Variants in SIPA1L1 observed in about 807,000 individuals in gnomAD.
The protein encoded by SIPA1L1 is signal-induced proliferation-associated 1-like protein 1.
SIPA1L1 carries 26 observed loss-of-function variants against 162.7 expected under a neutral mutation model. The observed-to-expected ratio is 0.16, with a 90% CI of 0.12 to 0.22. The LOEUF (loss-of-function observed/expected upper bound fraction) is 0.22. Ranked by LOEUF, SIPA1L1 falls within the 10% of genes least tolerant of loss-of-function variation. SIPA1L1 has a pLI of 1.00. For synonymous variants in SIPA1L1, 829 were observed against 837.4 expected, an observed-to-expected ratio of 0.99 and a Z score of 0.17; for missense variants, 1,874 against 2,241.0, an observed-to-expected ratio of 0.84 and a Z score of 3.31.
At chr14:71,632,349 C>T (rs2040662822) in intron 7 of SIPA1L1, among the ~76,000 whole-genome samples, 1 of 152,084 alleles carries the variant, frequency 6.6e-6, no homozygotes, top group South Asian at 2.1e-4. Context: ...CCAAAATGTC[C>T]CCCAAATGTC....
intron 5 of SIPA1L1, among the ~76,000 whole-genome samples, chr14:71,591,788 A>G (rs1239193680): frequency 6.6e-6 from 1 of 152,232 alleles, no homozygotes; most frequent in Admixed American, 6.5e-5. Context: ...CATAGAGACT[A>G]ACAACATAAT....
In SIPA1L1 at chr14:71,685,445, G is replaced by A. The variant is rs752117330; in HGVS notation, c.3188G>A (p.Arg1063Gln). Reference protein sequence around the residue: ...GVSYEFKFPFRNNNKWQRNAS... With the variant: ...GVSYEFKFPFQNNNKWQRNAS... ...TCATACGAATTCAAGTTTCCCTTCC[G>A]AAATAATAACAAGTGGCAGAGGAAC... Residue 1063 changes from arginine (R) to glutamine (Q), a missense_variant, in exon 13 of 24, where the codon CGA becomes CAA. Physicochemically the swap from Arg to Gln is conservative, Grantham distance 43. This residue lies in a region of SIPA1L1 where 936 missense variants were observed against 1,051.9 expected (regional missense o/e 0.89). Coordinates refer to ENST00000381232, the MANE Select transcript of SIPA1L1 (RefSeq NM_001386936.1). 17 of 1,613,990 alleles carry A rather than the reference G, an allele frequency of 1.1e-5. 1 individual carries two copies. The highest frequency in any genetic ancestry group is 6.7e-5 in the East Asian group (3 of 44,878).
In SIPA1L1 at chr14:71,460,500, A is replaced by G. The variant is rs572664557; in HGVS notation, c.-464-52243A>G. On this transcript the variant is annotated intron_variant, in intron 2 of 23. Transcript: ENST00000381232. ...GATTTCATCTTGATAGTCTGAGTCA[A>G]TCACCCCTGCCAACACTGTAACTCC... Among the ~76,000 whole-genome samples the G allele has an allele frequency of 4.4e-4, 67 of 152,252 alleles. 3 individuals are homozygous for G. In the South Asian group the frequency reaches 0.013, roughly 29 times the overall value.
At chr14:71,634,129 G>T (rs111395872) in intron 7 of SIPA1L1, among the ~76,000 whole-genome samples, 9 of 151,684 alleles carry the variant, frequency 5.9e-5, no homozygotes, top group Non-Finnish European at 1.2e-4. Context: ...GGCTGGGCAC[G>T]GTGGCTCATG....
At chr14:71,454,610 G>A (rs371729247) in intron 2 of SIPA1L1, among the ~76,000 whole-genome samples, 2 of 152,146 alleles carry the variant, frequency 1.3e-5, no homozygotes, top group African/African-American at 4.8e-5. Context: ...AACTATCTTC[G>A]AAGAATGGAA....
chr14:71,405,096 C>T (rs943600447), intron 2 of SIPA1L1, among the ~76,000 whole-genome samples: 4 of 152,166 alleles, frequency 2.6e-5, no homozygotes, highest in Non-Finnish European at 4.4e-5. Context: ...ATGATTGGTA[C>T]ATAGTAGGTG....
chr14:71,352,412 C>T (rs188611614), intron 2 of SIPA1L1, among the ~76,000 whole-genome samples: 22 of 152,302 alleles, frequency 1.4e-4, no homozygotes, highest in African/African-American at 1.9e-4. Context: ...TACCCCCCCT[C>T]CTAGTTGAAG....
intron 2 of SIPA1L1, among the ~76,000 whole-genome samples, chr14:71,460,391 G>T (rs568356807): frequency 2.0e-5 from 3 of 152,142 alleles, no homozygotes; most frequent in Non-Finnish European, 4.4e-5. Context: ...TAATCACAGG[G>T]CATAGTAATA....
At chr14:71,420,604 C>G (rs1298292638) in intron 2 of SIPA1L1, among the ~76,000 whole-genome samples, 1 of 152,168 alleles carries the variant, frequency 6.6e-6, no homozygotes, top group African/African-American at 2.4e-5. Flanking sequence ...TACTTATTAT[C>G]TATGGAATTT....
intron 4 of SIPA1L1, among the ~76,000 whole-genome samples, chr14:71,579,566 G>GAC (rs2147256359): frequency 6.6e-6 from 1 of 152,334 alleles, no homozygotes; most frequent in Non-Finnish European, 1.5e-5. Context: ...GGTACAGTCA[G>GAC]ACAGACAGAG....
At chr14:71,378,165 T>C (rs927007010) in intron 2 of SIPA1L1, among the ~76,000 whole-genome samples, 1 of 152,190 alleles carries the variant, frequency 6.6e-6, no homozygotes, top group Admixed American at 6.5e-5. Context: ...ATGGTACTTT[T>C]AAAGACTCAG....
intron 4 of SIPA1L1, among the ~76,000 whole-genome samples, chr14:71,558,784 A>G (rs1170052857): frequency 6.6e-6 from 1 of 152,150 alleles, no homozygotes; most frequent in African/African-American, 2.4e-5. Context: ...TCCAGGGTCA[A>G]CCAAGTCTCC....
chr14:71,533,248 C>T (rs1252219554), intron 4 of SIPA1L1, among the ~76,000 whole-genome samples: 2 of 152,122 alleles, frequency 1.3e-5, no homozygotes, highest in African/African-American at 4.8e-5. Flanking sequence ...TCTCAATTTA[C>T]TTTATAACAA....
intron 1 of SIPA1L1, 82 bp from the exon 2 acceptor site, chr14:71,321,040 C>T (rs1006024758): frequency 6.6e-6 from 1 of 152,142 alleles, no homozygotes; most frequent in Non-Finnish European, 1.5e-5. Flanking sequence ...GCGCCCGCCT[C>T]GGGCCGGCCT....
chr14:71,685,166 A>C (rs1429158395), intron 12 of SIPA1L1, among the ~76,000 whole-genome samples, 196 bp from the exon 13 acceptor site: 1 of 152,182 alleles, frequency 6.6e-6, no homozygotes, highest in Admixed American at 6.5e-5. Context: ...AGTAAAGGAA[A>C]ATACTATTAT....
rs1341297456 is a variant in SIPA1L1, at chr14:71,733,828, C to T, written c.5008+16C>T. 3.7e-6 allele frequency: 6 copies of T among 1,609,850 alleles called. No individual in the cohort carries two copies. The African/African-American group carries it at 6.7e-5, about 18-fold the overall frequency. On this transcript the variant is annotated intron_variant, in intron 21 of 23. Transcript: ENST00000381232. ...GCCTATGAGGGTGAGTCCACTGAAT[C>T]CACACAAGACAGCCCAGGATCCTGC... is the stretch of plus-strand genomic sequence containing the variant.
intron 4 of SIPA1L1, among the ~76,000 whole-genome samples, chr14:71,581,990 T>C (rs1195949290): frequency 6.6e-6 from 1 of 152,192 alleles, no homozygotes; most frequent in African/African-American, 2.4e-5. Flanking sequence ...GAGATAAACA[T>C]TGACATGTAC....
Position 71,702,431 on chromosome 14 carries a change from A to C in SIPA1L1, c.3572A>C (p.Gln1191Pro). ...GCCTCCATTGACAGGCAGAACACCC[A>C]GTCAGATATTGGTGGCAGCGGAAAA... is the stretch of plus-strand genomic sequence containing the variant. Reference protein sequence around the residue: ...SPASIDRQNTQSDIGGSGKST... With the variant: ...SPASIDRQNTPSDIGGSGKST... The change falls in exon 15 of 24, where the codon CAG becomes CCG. Residue 1191 changes from glutamine (Q) to proline (P), a missense_variant. Physicochemically the swap from Gln to Pro is moderately conservative, Grantham distance 76. This residue lies in a region of SIPA1L1 where 936 missense variants were observed against 1,051.9 expected (regional missense o/e 0.89). Coordinates refer to ENST00000381232, the MANE Select transcript of SIPA1L1 (RefSeq NM_001386936.1). The C allele has an allele frequency of 6.2e-7, 1 of 1,614,104 alleles. No individual in the cohort carries two copies. Among genetic ancestry groups the C allele is most frequent in the Non-Finnish European group, 8.5e-7 (1 of 1,179,922 alleles).
intron 17 of SIPA1L1, among the ~76,000 whole-genome samples, chr14:71,709,939 G>A (rs1321125669): frequency 6.6e-6 from 1 of 152,214 alleles, no homozygotes; most frequent in Non-Finnish European, 1.5e-5. Context: ...ACTACAATTT[G>A]AGAGGAAATT....
Sources: allele counts gnomAD v4.1 joint callset (sites outside exome capture counted in the v4.1 genomes callset), GRCh38; gene constraint gnomAD v4.1.1; regional missense constraint gnomAD v4.1.1; transcripts MANE v1.5; gene names NCBI Gene and HGNC (gene_info 2026-07-23, HGNC 2026-07-21).